PCDH11X: variants seen among roughly 807,000 people sequenced by gnomAD.
PCDH11X encodes the protein protocadherin-11 X-linked.
A neutral mutation model predicts 53.3 loss-of-function variants in PCDH11X; 18 were observed. The ratio of observed to expected loss-of-function variants is 0.34; its 90% CI spans 0.23 to 0.50. The LOEUF (loss-of-function observed/expected upper bound fraction) is 0.50. Among genes scored for constraint, PCDH11X ranks in the 20% least tolerant of loss-of-function variants. PCDH11X has a pLI of 0.98. For missense variants in PCDH11X, 570 were observed against 1,032.4 expected, an observed-to-expected ratio of 0.55 and a Z score of 6.14; for synonymous variants, 279 against 393.3, an observed-to-expected ratio of 0.71 and a Z score of 3.44.
At chrX:92,037,920 A>C (rs1244920672) in intron 6 of PCDH11X, among the ~76,000 whole-genome samples, 1 of 85,364 alleles carries the variant, frequency 1.2e-5, no homozygotes, top group Non-Finnish European at 2.2e-5. Flanking sequence ...TTTTTTTCGT[A>C]ACTGTGTGAG....
At chrX:92,147,273 A>G (rs2065282485) in intron 6 of PCDH11X, among the ~76,000 whole-genome samples, 1 of 108,313 alleles carries the variant, frequency 9.2e-6, no homozygotes, top group African/African-American at 3.4e-5. Flanking sequence ...ACAACCTGAC[A>G]AATTTATTTC....
intron 10 of PCDH11X, among the ~76,000 whole-genome samples, chrX:92,530,490 T>C (rs146963920): frequency 0.018 from 2,052 of 112,084 alleles, 55 homozygotes; most frequent in African/African-American, 0.063. Context: ...TAAGAGTAAG[T>C]TTAGCATTTT....
intron 8 of PCDH11X, among the ~76,000 whole-genome samples, chrX:92,385,642 T>C (rs1024246318): frequency 1.8e-5 from 2 of 110,281 alleles, no homozygotes; most frequent in African/African-American, 6.6e-5. Flanking sequence ...GAGACCAGCC[T>C]GGGCAACATG....
At chrX:91,837,679 C>A (rs1308029752) in intron 5 of PCDH11X, among the ~76,000 whole-genome samples, 1 of 111,319 alleles carries the variant, frequency 9.0e-6, no homozygotes, top group Non-Finnish European at 1.9e-5. Flanking sequence ...TGCTTTAAGA[C>A]ATTTAAGTAC....
chrX:92,584,307 A>G lies in PCDH11X; in HGVS notation c.3368-33957A>G, dbSNP rs112204875. Among the ~76,000 whole-genome samples the G allele has an allele frequency of 3.0e-3, 329 of 111,381 alleles. 1 individual carries two copies. Among genetic ancestry groups the G allele is most frequent in the African/African-American group, 9.8e-3 (303 of 30,771 alleles). ...CAATATAGAAAACAAATATTTAAGA[A>G]AATTAACAAGCCAAATGTTCATCTT... On this transcript the variant is annotated intron_variant, in intron 10 of 10. Coordinates refer to ENST00000682573, the MANE Select transcript of PCDH11X (RefSeq NM_032968.5).
chrX:92,327,048 G>A (rs937137700), intron 8 of PCDH11X, among the ~76,000 whole-genome samples: 39 of 108,493 alleles, frequency 3.6e-4, no homozygotes, highest in African/African-American at 1.2e-3. Context: ...GCTTTCAAAG[G>A]CCATATCTTA....
intron 6 of PCDH11X, among the ~76,000 whole-genome samples, chrX:92,085,859 A>G (rs977099200): frequency 4.5e-5 from 5 of 111,558 alleles, no homozygotes; most frequent in African/African-American, 1.6e-4. Flanking sequence ...TACAGTAACT[A>G]GTAGCTATGT....
In PCDH11X at chrX:92,387,760, T is replaced by C. The variant is rs138471099; in HGVS notation, c.3170T>C (p.Leu1057Pro). The change falls in exon 9 of 11, where the codon CTG (leucine) becomes CCG (proline). Residue 1057 changes from leucine (L) to proline (P), a missense_variant. This residue lies in a region of PCDH11X where 234 missense variants were observed against 296.1 expected (regional missense o/e 0.79). Transcript: ENST00000682573. ...GKSQRRVTFH[L>P]PEGSQESSSD... The stretch of plus-strand genomic sequence containing the variant: ...TCCCAGCGGCGTGTCACATTTCACC[T>C]GCCAGAAGGCTCTCAGGAAAGCAGC... 7 of 1,210,443 alleles carry C rather than the reference T, an allele frequency of 5.8e-6. No individual in the cohort carries two copies. The African/African-American group carries it at 1.2e-4, about 21-fold the overall frequency.
intron 6 of PCDH11X, among the ~76,000 whole-genome samples, chrX:91,916,112 A>C (rs1277129750): frequency 9.0e-6 from 1 of 111,100 alleles, no homozygotes; most frequent in Non-Finnish European, 1.9e-5. Context: ...ATGAAATTTA[A>C]AAATTCTTTG....
At chrX:92,129,193 C>A (rs1455844088) in intron 6 of PCDH11X, among the ~76,000 whole-genome samples, 2 of 109,997 alleles carry the variant, frequency 1.8e-5, no homozygotes, top group Non-Finnish European at 3.8e-5. Flanking sequence ...GAGTTCAAGA[C>A]CAGCCTGACC....
intron 5 of PCDH11X, among the ~76,000 whole-genome samples, chrX:91,846,353 C>T (rs1490006728): frequency 9.0e-6 from 1 of 111,382 alleles, no homozygotes; most frequent in Non-Finnish European, 1.9e-5. Context: ...CGCGGTGGCT[C>T]ATGCCTGTAA....
chrX:92,457,145 T>G (rs1264773171), intron 9 of PCDH11X, among the ~76,000 whole-genome samples: 1 of 111,042 alleles, frequency 9.0e-6, no homozygotes, highest in Non-Finnish European at 1.9e-5. Flanking sequence ...ACAAATTTTC[T>G]AATACATTTA....
chrX:92,121,865 A>G (rs773863196), intron 6 of PCDH11X, among the ~76,000 whole-genome samples: 1 of 109,538 alleles, frequency 9.1e-6, no homozygotes, highest in Non-Finnish European at 1.9e-5. Flanking sequence ...AGCTGGGACT[A>G]TAGGCGTGCA....
intron 6 of PCDH11X, among the ~76,000 whole-genome samples, chrX:92,109,322 C>T (rs961951783): frequency 1.8e-5 from 2 of 110,169 alleles, no homozygotes; most frequent in East Asian, 2.9e-4. Flanking sequence ...TGCTGTGAGC[C>T]GAGATCATGC....
At chrX:92,597,086 A>C in intron 10 of PCDH11X, among the ~76,000 whole-genome samples, 1 of 111,774 alleles carries the variant, frequency 8.9e-6, no homozygotes, top group East Asian at 2.8e-4. Context: ...CTGAATAGTA[A>C]AATAATAAAA....
intron 10 of PCDH11X, among the ~76,000 whole-genome samples, chrX:92,572,144 T>A (rs1922280651): frequency 5.3e-5 from 6 of 112,343 alleles, no homozygotes; most frequent in African/African-American, 1.9e-4. Context: ...ACAGTCGCTG[T>A]GTGCTCTCAT....
chrX:92,148,086 C>T (rs2065341080), intron 6 of PCDH11X, among the ~76,000 whole-genome samples: 1 of 15,158 alleles, frequency 6.6e-5, no homozygotes, highest in African/African-American at 2.7e-4. Context: ...TTCTTTCTTT[C>T]TTTCTTTCTT....
chrX:92,614,792 A>G (rs1479117271), intron 10 of PCDH11X, among the ~76,000 whole-genome samples: 1 of 111,278 alleles, frequency 9.0e-6, no homozygotes, highest in African/African-American at 3.3e-5. Flanking sequence ...AGTTCTCTGG[A>G]CAGGGATTAG....
At chrX:92,014,521 C>T (rs2062754460) in intron 6 of PCDH11X, among the ~76,000 whole-genome samples, 1 of 108,778 alleles carries the variant, frequency 9.2e-6, no homozygotes, top group Non-Finnish European at 1.9e-5. Flanking sequence ...TTGACCCAGC[C>T]ATCCCATTAC....
Sources: gnomAD v4.1 joint callset for allele counts (sites outside exome capture counted in the v4.1 genomes callset) on GRCh38, gnomAD v4.1.1 for gene constraint, gnomAD v4.1.1 regional missense constraint, MANE v1.5 for transcripts, NCBI Gene and HGNC (gene_info 2026-07-23, HGNC 2026-07-21) for gene names.